Variants in CEMIP2 observed in about 807,000 individuals in gnomAD.
The protein encoded by CEMIP2 is cell surface hyaluronidase CEMIP2.
CEMIP2 carries 79 observed loss-of-function variants against 146.9 expected under a neutral mutation model. The observed-to-expected ratio is 0.54, with a 90% CI of 0.45 to 0.65. The LOEUF (loss-of-function observed/expected upper bound fraction) is 0.65, where lower values mean the gene tolerates loss of function less well. Among genes scored for constraint, CEMIP2 ranks in the 30% least tolerant of loss-of-function variants. The pLI is 0.00. For missense variants in CEMIP2, 1,596 were observed against 1,696.2 expected, an observed-to-expected ratio of 0.94 and a Z score of 1.04; for synonymous variants, 601 against 606.3, an observed-to-expected ratio of 0.99 and a Z score of 0.13.
intron 1 of CEMIP2, among the ~76,000 whole-genome samples, chr9:71,755,369 A>ACACACACC (rs1824400916): frequency 1.3e-5 from 2 of 151,078 alleles, no homozygotes; most frequent in South Asian, 4.2e-4. Context: ...ACACACACAC[A>ACACACACC]CACACACACA....
Position 71,762,872 on chromosome 9 carries a change from C to T in CEMIP2, c.-13+5485G>A, listed in dbSNP as rs141254119. On this transcript the variant is annotated intron_variant, in intron 1 of 23. Coordinates refer to ENST00000377044, the MANE Select transcript of CEMIP2 (RefSeq NM_013390.3). Reference sequence around the variant, plus strand: ...CAAAAAAATATAAAGATTAGCTGGGCATGGTGGTGCATGCCTGTACTCCCA... The same window carrying T: ...CAAAAAAATATAAAGATTAGCTGGGTATGGTGGTGCATGCCTGTACTCCCA... Among the ~76,000 whole-genome samples the T allele has an allele frequency of 6.6e-5, 10 of 152,026 alleles. No homozygotes were observed. In the East Asian group the frequency reaches 1.9e-3, roughly 30 times the overall value.
At chr9:71,720,946 G>A (rs1331498367) in intron 12 of CEMIP2, among the ~76,000 whole-genome samples, 1 of 151,964 alleles carries the variant, frequency 6.6e-6, no homozygotes, top group Admixed American at 6.6e-5. Context: ...CACCTAGTAA[G>A]GAACTACTTA....
chr9:71,739,648 A>G (rs1823859749), intron 5 of CEMIP2, among the ~76,000 whole-genome samples: 1 of 151,858 alleles, frequency 6.6e-6, no homozygotes, highest in South Asian at 2.1e-4. Context: ...AGCACCCCCA[A>G]CTCAGCTTTG....
At chr9:71,745,671 C>T (rs1362039819) in intron 3 of CEMIP2, 92 bp from the exon 4 acceptor site, 1 of 1,282,538 alleles carries the variant, frequency 7.8e-7, no homozygotes, top group Non-Finnish European at 1.1e-6. Flanking sequence ...TACACTTCCG[C>T]AATTAGGTCG....
At chr9:71,696,696 G>A (rs1178002931) in intron 20 of CEMIP2, among the ~76,000 whole-genome samples, 1 of 151,978 alleles carries the variant, frequency 6.6e-6, no homozygotes, top group African/African-American at 2.4e-5. Flanking sequence ...CCTTGAACCC[G>A]GGAGGCAAAG....
intron 1 of CEMIP2, among the ~76,000 whole-genome samples, chr9:71,756,251 TATATA>T (rs1383256710): frequency 1.6e-4 from 22 of 137,926 alleles, no homozygotes; most frequent in African/African-American, 5.2e-4. Flanking sequence ...TATATATATA[TATATA>T]TGTATATATA....
At chr9:71,696,175 T>C (rs1441029155) in intron 20 of CEMIP2, among the ~76,000 whole-genome samples, 1 of 152,212 alleles carries the variant, frequency 6.6e-6, no homozygotes, top group Admixed American at 6.5e-5. Flanking sequence ...AAATTATTTT[T>C]ATAAGTTATA....
intron 1 of CEMIP2, among the ~76,000 whole-genome samples, chr9:71,762,183 G>C (rs1414891414): frequency 6.6e-6 from 1 of 152,030 alleles, no homozygotes; most frequent in African/African-American, 2.4e-5. Context: ...AAACAAAAGG[G>C]CCATCTTACA....
intron 10 of CEMIP2, 134 bp from the exon 11 acceptor site, chr9:71,725,843 T>A: frequency 9.8e-7 from 1 of 1,020,696 alleles, no homozygotes; most frequent in Non-Finnish European, 1.4e-6. Context: ...GGTTCAGAAT[T>A]GACAATAAAA....
At chr9:71,766,998 A>G (rs1025823464) in intron 1 of CEMIP2, among the ~76,000 whole-genome samples, 1 of 152,220 alleles carries the variant, frequency 6.6e-6, no homozygotes, top group African/African-American at 2.4e-5. Flanking sequence ...TAAGCAGAGG[A>G]CATGCCTACT....
In CEMIP2 at chr9:71,745,013, C is replaced by A; in HGVS notation, c.1034+5G>T. The A allele has an allele frequency of 1.2e-6, 2 of 1,610,836 alleles. No homozygotes were observed. The highest frequency in any genetic ancestry group is 8.5e-7 in the Non-Finnish European group (1 of 1,178,518). On this transcript the variant is annotated splice_donor_5th_base_variant and intron_variant, in intron 4 of 23. Coordinates refer to ENST00000377044, the MANE Select transcript of CEMIP2 (RefSeq NM_013390.3). ...GATAGGGATCTGGGAAGAAGGTATG[C>A]CTACCTGTAGCCCAGTCCTTGGATC...
intron 16 of CEMIP2, 39 bp from the exon 17 acceptor site, chr9:71,709,513 G>GCT (rs759004682): frequency 6.4e-6 from 10 of 1,562,264 alleles, no homozygotes; most frequent in Non-Finnish European, 8.8e-6. Context: ...CAAAGTGAGG[G>GCT]CTCCTGCTAT....
intron 4 of CEMIP2, among the ~76,000 whole-genome samples, chr9:71,743,128 CAT>C (rs1390156706): frequency 6.6e-6 from 1 of 152,130 alleles, no homozygotes; most frequent in African/African-American, 2.4e-5. Context: ...CATTCAATAA[CAT>C]AACACTGTGC....
chr9:71,732,254 A>C, intron 7 of CEMIP2, 97 bp downstream of exon 7: 1 of 1,240,358 alleles, frequency 8.1e-7, no homozygotes, highest in Non-Finnish European at 1.1e-6. Context: ...ATTTGCTTTT[A>C]ATATCCATTT....
chr9:71,740,701 T>C (rs1399619193), intron 4 of CEMIP2, among the ~76,000 whole-genome samples: 1 of 152,230 alleles, frequency 6.6e-6, no homozygotes, highest in Non-Finnish European at 1.5e-5. Flanking sequence ...GGAATCATGT[T>C]AATAATTGCA....
chr9:71,763,643 C>T (rs1272458856), intron 1 of CEMIP2, among the ~76,000 whole-genome samples: 2 of 152,152 alleles, frequency 1.3e-5, no homozygotes, highest in African/African-American at 4.8e-5. Flanking sequence ...CTTGATACAA[C>T]AAATGTAAAA....
intron 1 of CEMIP2, among the ~76,000 whole-genome samples, chr9:71,767,201 T>G (rs1446841049): frequency 2.0e-5 from 3 of 152,222 alleles, no homozygotes; most frequent in Non-Finnish European, 4.4e-5. Context: ...AAAGGTGTTT[T>G]TTTAACACTG....
At position 71,722,451 on chromosome 9, in the gene CEMIP2, TA is replaced by T; in HGVS notation, c.2242del (p.Tyr748ThrfsTer26). 6.2e-7 allele frequency: 1 copy of T among 1,613,738 alleles called. No individual in the cohort carries two copies. The highest frequency in any genetic ancestry group is 1.3e-5 in the African/African-American group (1 of 75,054). On this transcript the variant is annotated frameshift_variant, in exon 12 of 24. Coordinates refer to ENST00000377044, the MANE Select transcript of CEMIP2 (RefSeq NM_013390.3). LOFTEE classifies it high-confidence loss of function. ...TNSSAADPRE[Y>X]LCLDNSARFR... ...CCTTGCACTATTGTCCAAACAGAGGTATTCCCTTGGGTCAGCAGCACTAGAG... is the reference window on the plus strand; with the variant it reads ...CCTTGCACTATTGTCCAAACAGAGGTTTCCCTTGGGTCAGCAGCACTAGAG...
At chr9:71,690,020 A>G in intron 22 of CEMIP2, 72 bp downstream of exon 22, 1 of 1,555,564 alleles carries the variant, frequency 6.4e-7, no homozygotes, top group Non-Finnish European at 8.7e-7. Context: ...GGACTTGACC[A>G]GGCATTATCA....
Sources: allele counts gnomAD v4.1 joint callset (sites outside exome capture counted in the v4.1 genomes callset), GRCh38; gene constraint gnomAD v4.1.1; transcripts MANE v1.5; gene names NCBI Gene and HGNC (gene_info 2026-07-23, HGNC 2026-07-21).